Variants in KCNN2 observed in about 807,000 individuals in gnomAD.
KCNN2 encodes the protein potassium calcium-activated channel subfamily N member 2, also known as small conductance calcium-activated potassium channel protein 2.
KCNN2 carries 24 observed loss-of-function variants against 55.5 expected under a neutral mutation model. That is an observed-to-expected ratio of 0.43 (90% CI 0.31 to 0.61). The LOEUF is 0.61. Among genes scored for constraint, KCNN2 ranks in the 20% least tolerant of loss-of-function variants. KCNN2 has a pLI of 0.08. For synonymous variants in KCNN2, 431 were observed against 336.1 expected (o/e 1.28, Z -3.09); for missense variants, 754 against 853.6 (o/e 0.88, Z 1.45).
chr5:114,293,575 G>A (rs1257272122), intron 2 of KCNN2, among the ~76,000 whole-genome samples: 3 of 152,180 alleles, frequency 2.0e-5, no homozygotes, highest in African/African-American at 7.2e-5. Context: ...TTTTTGATGT[G>A]CTGCTGGATT....
At chr5:114,183,727 CTT>C (rs954898156) in intron 1 of KCNN2, among the ~76,000 whole-genome samples, 1 of 143,658 alleles carries the variant, frequency 7.0e-6, no homozygotes, top group Admixed American at 6.9e-5. Context: ...TTGTACTCTC[CTT>C]TTTTTTTTTC....
At chr5:114,148,837 A>T (rs984591085) in intron 1 of KCNN2, among the ~76,000 whole-genome samples, 5 of 152,108 alleles carry the variant, frequency 3.3e-5, no homozygotes, top group African/African-American at 1.2e-4. Flanking sequence ...AAGGAGGACT[A>T]GTAGGGGGTC....
At chr5:114,263,002 T>C (rs1314943064) in intron 2 of KCNN2, among the ~76,000 whole-genome samples, 1 of 152,136 alleles carries the variant, frequency 6.6e-6, no homozygotes, top group African/African-American at 2.4e-5. Flanking sequence ...CTAATAAAAA[T>C]AAATGAAAAG....
intron 2 of KCNN2, among the ~76,000 whole-genome samples, chr5:114,403,692 T>C (rs1758853323): frequency 6.6e-6 from 1 of 152,246 alleles, no homozygotes; most frequent in African/African-American, 2.4e-5. Flanking sequence ...TATCTATATA[T>C]CTATTTATTT....
At chr5:114,162,387 C>A (rs1197944899) in intron 1 of KCNN2, among the ~76,000 whole-genome samples, 1 of 152,156 alleles carries the variant, frequency 6.6e-6, no homozygotes, top group African/African-American at 2.4e-5. Flanking sequence ...GAGTACCCGG[C>A]CGTTTGAGGT....
intron 1 of KCNN2, among the ~76,000 whole-genome samples, chr5:114,108,289 T>C (rs1751528648): frequency 6.6e-6 from 1 of 152,046 alleles, no homozygotes; most frequent in South Asian, 2.1e-4. Flanking sequence ...TTGTTGAAAA[T>C]CTGTTTCCTC....
chr5:114,461,001 ATACT>A (rs1761164647), intron 3 of KCNN2, among the ~76,000 whole-genome samples: 1 of 152,296 alleles, frequency 6.6e-6, no homozygotes, highest in South Asian at 2.1e-4. Flanking sequence ...TTGGTGAGGA[ATACT>A]TACTAGAGAG....
chr5:114,061,780 G>A (rs957018791), intron 1 of KCNN2, among the ~76,000 whole-genome samples: 1 of 152,170 alleles, frequency 6.6e-6, no homozygotes, highest in Non-Finnish European at 1.5e-5. Flanking sequence ...GACCATGATG[G>A]TTTCCCTGGG....
At chr5:114,368,017 C>T (rs1757653584) in intron 2 of KCNN2, among the ~76,000 whole-genome samples, 1 of 152,092 alleles carries the variant, frequency 6.6e-6, no homozygotes, top group South Asian at 2.1e-4. Flanking sequence ...TTTTGAACAA[C>T]ATGGGTGAAC....
At chr5:114,059,152 G>A (rs1750272761) in intron 1 of KCNN2, among the ~76,000 whole-genome samples, 1 of 152,184 alleles carries the variant, frequency 6.6e-6, no homozygotes, top group Non-Finnish European at 1.5e-5. Flanking sequence ...AATGGACAAG[G>A]TTTGGGTGAT....
intron 4 of KCNN2, among the ~76,000 whole-genome samples, chr5:114,471,411 G>T (rs1761737627): frequency 6.6e-6 from 1 of 152,082 alleles, no homozygotes; most frequent in Non-Finnish European, 1.5e-5. Flanking sequence ...AAAGAAAACG[G>T]TCTATAATGT....
intron 1 of KCNN2, among the ~76,000 whole-genome samples, chr5:114,216,363 A>G (rs1436115812): frequency 6.6e-6 from 1 of 152,174 alleles, no homozygotes; most frequent in Non-Finnish European, 1.5e-5. Flanking sequence ...GATTTGAATC[A>G]GTTGTTAACA....
At chr5:114,243,812 G>C (rs1754693332) in intron 2 of KCNN2, among the ~76,000 whole-genome samples, 1 of 152,172 alleles carries the variant, frequency 6.6e-6, no homozygotes, top group Admixed American at 6.5e-5. Context: ...GGTGACTACT[G>C]TACTTATGTT....
At chr5:114,126,883 A>G (rs1297187552) in intron 1 of KCNN2, among the ~76,000 whole-genome samples, 1 of 152,148 alleles carries the variant, frequency 6.6e-6, no homozygotes, top group Non-Finnish European at 1.5e-5. Flanking sequence ...AATGGGAGAA[A>G]TTGGCCAAAA....
intron 6 of KCNN2, among the ~76,000 whole-genome samples, chr5:114,491,903 C>A (rs1747876226): frequency 6.6e-6 from 1 of 152,080 alleles, no homozygotes; most frequent in Non-Finnish European, 1.5e-5. Context: ...AGGCACACAT[C>A]AAAAATTGTA....
intron 2 of KCNN2, among the ~76,000 whole-genome samples, chr5:114,382,260 G>C (rs553747636): frequency 1.3e-5 from 2 of 152,176 alleles, no homozygotes; most frequent in Non-Finnish European, 2.9e-5. Context: ...AGCTTTATCA[G>C]TTAGTCTTAA....
intron 6 of KCNN2, among the ~76,000 whole-genome samples, chr5:114,491,353 C>G (rs944548927): frequency 2.0e-5 from 3 of 152,032 alleles, no homozygotes; most frequent in Non-Finnish European, 4.4e-5. Context: ...ATACAAATTC[C>G]TTTATACAAA....
intron 1 of KCNN2, among the ~76,000 whole-genome samples, chr5:114,153,641 A>G (rs1351880342): frequency 6.6e-6 from 1 of 152,228 alleles, no homozygotes; most frequent in Non-Finnish European, 1.5e-5. Flanking sequence ...CTTAGCAAAC[A>G]TGAATCTTAC....
At chr5:114,489,245 C>T (rs1410805400) in intron 6 of KCNN2, among the ~76,000 whole-genome samples, 6 of 151,884 alleles carry the variant, frequency 4.0e-5, no homozygotes, top group African/African-American at 7.3e-5. Flanking sequence ...GGGTTTTTAC[C>T]GTAAAATGCT....
Sources: gnomAD v4.1 joint callset for allele counts (sites outside exome capture counted in the v4.1 genomes callset) on GRCh38, gnomAD v4.1.1 for gene constraint, MANE v1.5 for transcripts, NCBI Gene and HGNC (gene_info 2026-07-23, HGNC 2026-07-21) for gene names.